The following ANXA8 variants were observed in gnomAD, a reference collection of about 807,000 sequenced individuals.
ANXA8 encodes VAC-beta.
ANXA8 carries 9 observed loss-of-function variants against 26.8 expected under a neutral mutation model. The observed-to-expected ratio is 0.34, with a 90% confidence interval of 0.20 to 0.59. The LOEUF (loss-of-function observed/expected upper bound fraction) is 0.59. Among genes scored for constraint, ANXA8 ranks in the 20% least tolerant of loss-of-function variants. The pLI, the probability that ANXA8 is intolerant of heterozygous loss-of-function variation, is 0.84. For missense variants in ANXA8, 83 were observed against 238.5 expected, an observed-to-expected ratio of 0.35 and a Z score of 4.29; for synonymous variants, 39 against 94.8, an observed-to-expected ratio of 0.41 and a Z score of 3.42.
chr10:47,942,241 A>C, the ANXA8 span, among the ~76,000 whole-genome samples: 5 of 146,328 alleles, frequency 3.4e-5, 1 homozygote, highest in Non-Finnish European at 7.4e-5. Flanking sequence ...GGGTCCCCTG[A>C]GTTCTTGGTG....
the ANXA8 span, among the ~76,000 whole-genome samples, chr10:47,535,086 G>A: frequency 1.2e-4 from 15 of 120,812 alleles, 1 homozygote; most frequent in Admixed American, 2.5e-4. Flanking sequence ...GCGATTCTCC[G>A]GACTCAGTCT....
the ANXA8 span, among the ~76,000 whole-genome samples, chr10:47,625,597 T>C: frequency 2.6e-5 from 4 of 151,708 alleles, no homozygotes; most frequent in East Asian, 7.7e-4. Context: ...TTTGGCCAAA[T>C]GGAATAAACT....
At chr10:47,763,860 T>C in the ANXA8 span, among the ~76,000 whole-genome samples, 9 of 151,166 alleles carry the variant, frequency 6.0e-5, no homozygotes, top group African/African-American at 2.2e-4. Flanking sequence ...TTTACAGCCT[T>C]GAAGGTTATG....
At chr10:47,778,615 AT>A in the ANXA8 span, among the ~76,000 whole-genome samples, 2 of 151,782 alleles carry the variant, frequency 1.3e-5, no homozygotes, top group East Asian at 1.9e-4. Flanking sequence ...TTTTCTCTTT[AT>A]TTTTTTAAAT....
the ANXA8 span, among the ~76,000 whole-genome samples, chr10:47,627,419 G>C: frequency 4.0e-5 from 6 of 149,982 alleles, no homozygotes; most frequent in Non-Finnish European, 8.8e-5. Flanking sequence ...TCACTCTATC[G>C]GTACTGTTAA....
chr10:47,651,467 C>T, the ANXA8 span, among the ~76,000 whole-genome samples: 767 of 150,912 alleles, frequency 5.1e-3, 2 homozygotes, highest in Non-Finnish European at 6.0e-3. Context: ...CAGTTCCATT[C>T]CTAGGTCATC....
At chr10:47,571,530 A>G in the ANXA8 span, among the ~76,000 whole-genome samples, 1 of 149,678 alleles carries the variant, frequency 6.7e-6, no homozygotes, top group Non-Finnish European at 1.5e-5. Flanking sequence ...ATCCTATCAC[A>G]TGTGTGTTTA....
chr10:47,948,263 T>C, the ANXA8 span, among the ~76,000 whole-genome samples: 1 of 120,870 alleles, frequency 8.3e-6, no homozygotes, highest in South Asian at 2.8e-4. Context: ...CATGTAAAGA[T>C]GCACAGAAGT....
chr10:47,679,042 C>CAAAAA, the ANXA8 span, among the ~76,000 whole-genome samples: 1 of 65,132 alleles, frequency 1.5e-5, no homozygotes, highest in Non-Finnish European at 2.8e-5. Context: ...GAACCTATCT[C>CAAAAA]AAAAAAAAAA....
the ANXA8 span, among the ~76,000 whole-genome samples, chr10:47,743,327 T>TATATATACATATATATATAC: frequency 2.5e-5 from 1 of 40,334 alleles, no homozygotes; most frequent in Non-Finnish European, 5.6e-5. Context: ...TATATATATA[T>TATATATACATATATATATAC]ACATATATAT....
chr10:47,644,081 T>C, the ANXA8 span, among the ~76,000 whole-genome samples: 1 of 126,286 alleles, frequency 7.9e-6, no homozygotes, highest in African/African-American at 3.6e-5. Flanking sequence ...AGGAAAAGCA[T>C]GGTCCTAGTT....
At chr10:47,674,493 T>C in the ANXA8 span, among the ~76,000 whole-genome samples, 1 of 151,654 alleles carries the variant, frequency 6.6e-6, no homozygotes, top group Middle Eastern at 3.2e-3. Context: ...TCAGTGTTGA[T>C]ATTGACCTTG....
At chr10:47,488,707 T>A (rs1251141028), upstream of ANXA8, among the ~76,000 whole-genome samples, 1 of 132,838 alleles carries the variant, frequency 7.5e-6, no homozygotes, top group Admixed American at 8.0e-5. Context: ...GAATTTTACA[T>A]GTTAAATTTT....
chr10:47,565,565 C>A, the ANXA8 span: 1 of 299,036 alleles, frequency 3.3e-6, no homozygotes, highest in Non-Finnish European at 6.1e-6. Flanking sequence ...CCTGCCCTCG[C>A]CCTGCCCGGA....
the ANXA8 span, chr10:47,490,474 C>T: frequency 6.5e-6 from 1 of 152,732 alleles, no homozygotes; most frequent in South Asian, 2.1e-4. Flanking sequence ...TTCTGGGAGC[C>T]CACGCTATTT....
chr10:47,491,821 G>A, the ANXA8 span: 41 of 684,216 alleles, frequency 6.0e-5, no homozygotes, highest in South Asian at 3.7e-4. Flanking sequence ...CAGTGAGGGC[G>A]GCAGCAGGAA....
At chr10:47,535,643 T>C in the ANXA8 span, among the ~76,000 whole-genome samples, 1 of 138,180 alleles carries the variant, frequency 7.2e-6, no homozygotes, top group Non-Finnish European at 1.5e-5. Context: ...AATGTGTATA[T>C]AGATACGTAT....
the ANXA8 span, among the ~76,000 whole-genome samples, chr10:47,694,048 C>T: frequency 6.6e-6 from 1 of 151,500 alleles, no homozygotes; most frequent in Non-Finnish European, 1.5e-5. Flanking sequence ...TTTCCGTTTT[C>T]CTAGGTAGGT....
chr10:47,554,169 CA>C, the ANXA8 span, among the ~76,000 whole-genome samples: 11 of 73,036 alleles, frequency 1.5e-4, no homozygotes, highest in African/African-American at 1.1e-3. Flanking sequence ...AGCGTCGTGG[CA>C]GGGCGCCTGT....
Sources: allele counts gnomAD v4.1 joint callset (sites outside exome capture counted in the v4.1 genomes callset), GRCh38; gene constraint gnomAD v4.1.1; transcripts MANE v1.5; gene names NCBI Gene and HGNC (gene_info 2026-07-23, HGNC 2026-07-21).